BBS9: variants seen among roughly 807,000 people sequenced by gnomAD.
BBS9 encodes the protein protein PTHB1.
BBS9 carries 89 observed loss-of-function variants against 117.7 expected under a neutral mutation model. The ratio of observed to expected loss-of-function variants is 0.76; its 90% CI spans 0.64 to 0.90. BBS9 has a LOEUF of 0.90. Among genes scored for constraint, BBS9 ranks in the 40% least tolerant of loss-of-function variants. BBS9 has a pLI of 0.00. For synonymous variants in BBS9, 379 were observed against 370.9 expected (o/e 1.02, Z -0.25); for missense variants, 982 against 1,042.2 (o/e 0.94, Z 0.80).
Position 33,237,052 on chromosome 7 carries a change from T to C in BBS9, c.443-20184T>C, listed in dbSNP as rs533381890. Reference sequence around the variant, plus strand: ...AATCATTGAACTTATTTGTAATTCTTTATATATTAAAAATATAAAATGAAT... The same window carrying C: ...AATCATTGAACTTATTTGTAATTCTCTATATATTAAAAATATAAAATGAAT... On this transcript the variant is annotated intron_variant, in intron 5 of 22. Coordinates refer to ENST00000242067, the MANE Select transcript of BBS9 (RefSeq NM_198428.3). Among the ~76,000 whole-genome samples, 24 of 152,232 alleles carry C rather than the reference T, an allele frequency of 1.6e-4. No homozygotes were observed. In the South Asian group the frequency reaches 5.0e-3, roughly 32 times the overall value.
chr7:33,270,735 A>G (rs763486408), intron 7 of BBS9, among the ~76,000 whole-genome samples: 1 of 152,236 alleles, frequency 6.6e-6, no homozygotes, highest in Non-Finnish European at 1.5e-5. Context: ...TTTATGACTC[A>G]TTGGCATCCC....
chr7:33,257,970 G>T (rs1197573741), intron 6 of BBS9, among the ~76,000 whole-genome samples: 1 of 152,080 alleles, frequency 6.6e-6, no homozygotes, highest in Non-Finnish European at 1.5e-5. Flanking sequence ...ATGACCCTAG[G>T]CAAATAGTTT....
At chr7:33,146,015 C>T (rs1442327972) in intron 1 of BBS9, among the ~76,000 whole-genome samples, 1 of 152,192 alleles carries the variant, frequency 6.6e-6, no homozygotes, top group Non-Finnish European at 1.5e-5. Flanking sequence ...AGAATTAGCA[C>T]AACATAAATG....
chr7:33,131,812 A>G (rs1039157764), intron 1 of BBS9, among the ~76,000 whole-genome samples: 2 of 152,226 alleles, frequency 1.3e-5, no homozygotes, highest in African/African-American at 4.8e-5. Flanking sequence ...AAAATATTAA[A>G]AAAAGAACAA....
chr7:33,564,969 T>C (rs1489760548), intron 21 of BBS9, among the ~76,000 whole-genome samples: 1 of 152,198 alleles, frequency 6.6e-6, no homozygotes, highest in East Asian at 1.9e-4. Context: ...ATGTAGTGCA[T>C]GAGGCTACAC....
chr7:33,574,725 A>ACACACG (rs1251263949), intron 21 of BBS9, among the ~76,000 whole-genome samples: 61 of 125,900 alleles, frequency 4.8e-4, no homozygotes, highest in Non-Finnish European at 7.6e-4. Context: ...ACACACACAC[A>ACACACG]CGCGCACACA....
At chr7:33,554,008 G>C (rs1333830848) in intron 21 of BBS9, among the ~76,000 whole-genome samples, 8 of 152,100 alleles carry the variant, frequency 5.3e-5, no homozygotes, top group African/African-American at 1.9e-4. Context: ...TCTGTGAGGA[G>C]AAGGATGAAG....
intron 17 of BBS9, chr7:33,380,996 C>G (rs1188824591): frequency 6.6e-6 from 1 of 152,134 alleles, no homozygotes; most frequent in Non-Finnish European, 1.5e-5. Flanking sequence ...AATGATCTTT[C>G]TTTCACACCG....
chr7:33,620,596 A>C (rs943903977), intron 21 of BBS9, among the ~76,000 whole-genome samples: 5 of 152,146 alleles, frequency 3.3e-5, no homozygotes, highest in African/African-American at 1.2e-4. Flanking sequence ...AAGGAAAAAA[A>C]CACAAATGAA....
At chr7:33,302,267 A>C (rs1454072955) in intron 9 of BBS9, among the ~76,000 whole-genome samples, 4 of 152,076 alleles carry the variant, frequency 2.6e-5, no homozygotes, top group African/African-American at 9.7e-5. Context: ...ACTGTACAGA[A>C]GCTTTTTAAC....
At chr7:33,243,126 T>C (rs150363561) in intron 5 of BBS9, among the ~76,000 whole-genome samples, 32 of 152,366 alleles carry the variant, frequency 2.1e-4, no homozygotes, top group Non-Finnish European at 4.3e-4. Flanking sequence ...GTTAATTTCA[T>C]TGGACTTCTG....
chr7:33,416,515 T>A (rs778172092), intron 19 of BBS9, among the ~76,000 whole-genome samples: 4 of 152,046 alleles, frequency 2.6e-5, no homozygotes, highest in Non-Finnish European at 5.9e-5. Flanking sequence ...CCAGTACAGA[T>A]CCCAAGGGGG....
chr7:33,521,747 CTTT>C (rs568390639), intron 20 of BBS9, among the ~76,000 whole-genome samples: 1 of 143,660 alleles, frequency 7.0e-6, no homozygotes, highest in Non-Finnish European at 1.5e-5. Context: ...TTTTCTTTTT[CTTT>C]TTTTTTTTAT....
intron 5 of BBS9, among the ~76,000 whole-genome samples, chr7:33,250,957 A>G (rs1428450163): frequency 6.6e-6 from 1 of 152,196 alleles, no homozygotes; most frequent in Non-Finnish European, 1.5e-5. Context: ...TGGAGGTGGG[A>G]CAGGGGCTCT....
chr7:33,136,534 C>T (rs570766548), intron 1 of BBS9, among the ~76,000 whole-genome samples: 1 of 151,794 alleles, frequency 6.6e-6, no homozygotes, highest in East Asian at 2.0e-4. Context: ...CCTTCTATTC[C>T]TAGTGTTTTG....
intron 21 of BBS9, among the ~76,000 whole-genome samples, chr7:33,538,443 C>G (rs926126691): frequency 6.6e-6 from 1 of 151,948 alleles, no homozygotes; most frequent in African/African-American, 2.4e-5. Context: ...CTATTCTAGC[C>G]TTTTGAGAGA....
rs2128807325 is a variant in BBS9 at position 33,406,611 on chromosome 7, C to G, written c.2115+18467C>G. ...CCATGTTTAGTGCTTCCTTCAGGAG[C>G]TCTTTTAGGGCAGGCCTGGTGGTGA... On this transcript the variant is annotated intron_variant, in intron 19 of 22. Coordinates refer to ENST00000242067, the MANE Select transcript of BBS9 (RefSeq NM_198428.3). Among the ~76,000 whole-genome samples, 3 of 152,064 alleles carry G rather than the reference C, an allele frequency of 2.0e-5. No individual in the cohort carries two copies. The East Asian group carries it at 5.8e-4, about 29-fold the overall frequency.
intron 19 of BBS9, among the ~76,000 whole-genome samples, chr7:33,397,346 A>C (rs549022852): frequency 1.2e-3 from 188 of 152,356 alleles, no homozygotes; most frequent in African/African-American, 4.3e-3. Flanking sequence ...TTGAAGAGAA[A>C]AAGGAACACT....
intron 19 of BBS9, among the ~76,000 whole-genome samples, chr7:33,500,842 A>G (rs941962889): frequency 3.9e-5 from 6 of 152,154 alleles, no homozygotes; most frequent in Non-Finnish European, 8.8e-5. Flanking sequence ...CACTCACTTT[A>G]TGAGTTGAGC....
Sources: allele counts gnomAD v4.1 joint callset (sites outside exome capture counted in the v4.1 genomes callset), GRCh38; gene constraint gnomAD v4.1.1; transcripts MANE v1.5; gene names NCBI Gene and HGNC (gene_info 2026-07-23, HGNC 2026-07-21).